ERC1: variants seen among roughly 807,000 people sequenced by gnomAD.
The protein encoded by ERC1 is ELKS/RAB6-interacting/CAST family member 1, also known as RAB6 interacting protein 2.
In ERC1, 56 loss-of-function variants were observed where a neutral mutation model predicts 132.0. The ratio of observed to expected loss-of-function variants is 0.42; its 90% CI spans 0.34 to 0.53. ERC1 has a LOEUF of 0.53. Ranked by LOEUF, ERC1 falls within the 20% of genes least tolerant of loss-of-function variation. ERC1 has a pLI of 0.03. For missense variants in ERC1, 1,202 were observed against 1,349.9 expected (o/e 0.89, Z 1.72); for synonymous variants, 478 against 476.1 (o/e 1.00, Z -0.05).
rs1237323865 is a variant in ERC1, at chr12:1,493,038, A to T, written c.*2808A>T. On this transcript the variant is annotated 3_prime_UTR_variant, in exon 19 of 19. Coordinates refer to ENST00000360905, the MANE Select transcript of ERC1 (RefSeq NM_178040.4). ...ACCTAAAGATCTGCACCCCAAACCA[A>T]TGTCACCATAAAGAGGGCACGAAGA... The T allele has an allele frequency of 9.0e-6, 2 of 222,238 alleles. No individual in the cohort carries two copies. Among genetic ancestry groups the T allele is most frequent in the Admixed American group, 5.7e-5 (1 of 17,402 alleles). 13.8% of individuals were successfully genotyped at this position (222,238 alleles called of 1,614,324 possible). A position where few individuals can be genotyped will look rare whatever the true frequency, so the allele number is the denominator to read the frequency against.
chr12:1,293,024 A>T (rs189737636), intron 15 of ERC1, among the ~76,000 whole-genome samples: 3 of 151,988 alleles, frequency 2.0e-5, no homozygotes, highest in Admixed American at 2.0e-4. Context: ...GCACACTGTA[A>T]TCCCAGCTAC....
At chr12:1,468,619 AGAG>A (rs1565497349) in intron 18 of ERC1, among the ~76,000 whole-genome samples, 1 of 151,896 alleles carries the variant, frequency 6.6e-6, no homozygotes. Flanking sequence ...AGACAGAAAA[AGAG>A]AGAGAGAGGA....
intron 15 of ERC1, among the ~76,000 whole-genome samples, chr12:1,312,018 A>G (rs2081344056): frequency 1.3e-5 from 2 of 152,186 alleles, no homozygotes; most frequent in Admixed American, 6.5e-5. Context: ...CCTCAAGAAC[A>G]TGATTTTGTC....
At chr12:1,474,676 G>A (rs952372707) in intron 18 of ERC1, among the ~76,000 whole-genome samples, 31 of 152,030 alleles carry the variant, frequency 2.0e-4, no homozygotes, top group South Asian at 2.1e-4. Flanking sequence ...CAGCCCCCTC[G>A]CATTCCTTAT....
At chr12:1,210,349 A>T (rs906555568) in intron 12 of ERC1, among the ~76,000 whole-genome samples, 4 of 152,136 alleles carry the variant, frequency 2.6e-5, no homozygotes, top group Non-Finnish European at 5.9e-5. Context: ...GTACGTCAGG[A>T]TTGCTCTGTC....
At chr12:1,259,756 C>G (rs2077035164) in intron 13 of ERC1, among the ~76,000 whole-genome samples, 1 of 152,078 alleles carries the variant, frequency 6.6e-6, no homozygotes, top group Non-Finnish European at 1.5e-5. Flanking sequence ...AACTCCTGAC[C>G]TCGTGATCCA....
intron 3 of ERC1, among the ~76,000 whole-genome samples, chr12:1,095,550 A>G (rs1461972009): frequency 6.6e-6 from 1 of 151,990 alleles, no homozygotes. Flanking sequence ...GACTAAGACA[A>G]AAAAAGACAA....
chr12:1,039,166 C>G (rs1289012362), intron 2 of ERC1, among the ~76,000 whole-genome samples: 4 of 151,754 alleles, frequency 2.6e-5, no homozygotes, highest in East Asian at 1.9e-4. Context: ...GAAACCCTGT[C>G]TCTACTAAAA....
chr12:1,021,995 A>T (rs1214055010), intron 1 of ERC1, among the ~76,000 whole-genome samples: 6 of 152,214 alleles, frequency 3.9e-5, no homozygotes, highest in African/African-American at 1.4e-4. Flanking sequence ...AGTTCTCAAC[A>T]TTACTTATGT....
At chr12:1,007,488 C>CTT (rs1963872002) in intron 1 of ERC1, among the ~76,000 whole-genome samples, 1 of 142,142 alleles carries the variant, frequency 7.0e-6, no homozygotes, top group African/African-American at 2.9e-5. Flanking sequence ...CTCTCTCTCT[C>CTT]TCTCTTTCTC....
chr12:993,010 G>A (rs929292323), intron 1 of ERC1, among the ~76,000 whole-genome samples: 3 of 152,162 alleles, frequency 2.0e-5, no homozygotes, highest in Non-Finnish European at 2.9e-5. Flanking sequence ...GTTGCAGATC[G>A]TTGCTTTTTC....
At chr12:1,395,456 G>A (rs974925020) in intron 16 of ERC1, among the ~76,000 whole-genome samples, 1 of 145,426 alleles carries the variant, frequency 6.9e-6, no homozygotes, top group African/African-American at 2.6e-5. Flanking sequence ...TTTTATCCTT[G>A]TGTTAATATA....
At chr12:1,481,627 C>T (rs1281645067) in intron 18 of ERC1, among the ~76,000 whole-genome samples, 1 of 152,142 alleles carries the variant, frequency 6.6e-6, no homozygotes, top group African/African-American at 2.4e-5. Context: ...GAAAGGCCTC[C>T]CAGATGGAAA....
chr12:1,463,381 G>A (rs1223126200), intron 18 of ERC1, among the ~76,000 whole-genome samples: 1 of 152,154 alleles, frequency 6.6e-6, no homozygotes, highest in Non-Finnish European at 1.5e-5. Flanking sequence ...TTGGGGGACA[G>A]GGCCTGAGGG....
At chr12:1,244,529 T>C (rs764350667) in intron 13 of ERC1, 44 of 451,822 alleles carry the variant, frequency 9.7e-5, no homozygotes, top group Middle Eastern at 1.4e-3. Flanking sequence ...TTTGTTTGTT[T>C]GTTTGTTTTT....
intron 3 of ERC1, among the ~76,000 whole-genome samples, chr12:1,091,819 C>G (rs796996912): frequency 4.1e-4 from 62 of 152,206 alleles, no homozygotes; most frequent in African/African-American, 1.3e-3. Context: ...AGGAATTTAA[C>G]TGCTGTAATC....
At chr12:1,363,081 G>T (rs1201016726) in intron 15 of ERC1, among the ~76,000 whole-genome samples, 1 of 152,084 alleles carries the variant, frequency 6.6e-6, no homozygotes, top group Non-Finnish European at 1.5e-5. Flanking sequence ...TGCCCTTTCT[G>T]GTCACTCGCC....
chr12:1,324,805 C>CT (rs1384612468), intron 15 of ERC1, among the ~76,000 whole-genome samples: 8 of 152,062 alleles, frequency 5.3e-5, no homozygotes, highest in African/African-American at 1.7e-4. Context: ...TGAATCTTTC[C>CT]TTTTCCAAAT....
chr12:1,129,611 C>T (rs1424435574), intron 7 of ERC1, among the ~76,000 whole-genome samples: 2 of 152,076 alleles, frequency 1.3e-5, no homozygotes, highest in Non-Finnish European at 2.9e-5. Context: ...TTTTCAGTTG[C>T]CACAACAGTA....
Sources: gnomAD v4.1 joint callset for allele counts (sites outside exome capture counted in the v4.1 genomes callset) on GRCh38, gnomAD v4.1.1 for gene constraint, MANE v1.5 for transcripts, NCBI Gene and HGNC (gene_info 2026-07-23, HGNC 2026-07-21) for gene names.